The following WDR41 variants were observed in gnomAD, a reference collection of about 807,000 sequenced individuals.
WDR41 encodes the protein WD repeat-containing protein 41.
WDR41 carries 63 observed loss-of-function variants against 69.3 expected under a neutral mutation model. That is an observed-to-expected ratio of 0.91 (90% CI 0.74 to 1.12). The LOEUF is 1.12. WDR41 is among the 50% of genes most tolerant of loss of function. The probability of loss-of-function intolerance (pLI) is 0.00; values close to 1 mark genes in which losing one functional copy is unlikely to be tolerated. For synonymous variants in WDR41, 185 were observed against 192.1 expected (o/e 0.96, Z 0.31); for missense variants, 543 against 534.5 (o/e 1.02, Z -0.16).
chr5:77,459,017 C>T, intron 5 of WDR41, 45 bp downstream of exon 5: 1 of 1,410,752 alleles, frequency 7.1e-7, no homozygotes, highest in Non-Finnish European at 9.8e-7. Flanking sequence ...TCTTCTGAGA[C>T]AAAAATAGAT....
intron 1 of WDR41, among the ~76,000 whole-genome samples, chr5:77,587,071 A>T (rs1017392284): frequency 2.7e-5 from 4 of 150,820 alleles, no homozygotes; most frequent in African/African-American, 7.4e-5. Context: ...CCAGATCAAG[A>T]TATTGAACAT....
chr5:77,572,964 C>T (rs1218809752), intron 1 of WDR41, among the ~76,000 whole-genome samples: 3 of 152,184 alleles, frequency 2.0e-5, no homozygotes, highest in African/African-American at 4.8e-5. Flanking sequence ...ATTTCCTATG[C>T]TTTCTCTTCC....
intron 1 of WDR41, among the ~76,000 whole-genome samples, chr5:77,499,103 A>C (rs887197035): frequency 4.6e-5 from 7 of 152,216 alleles, no homozygotes; most frequent in Non-Finnish European, 7.3e-5. Context: ...TAGGATAAAT[A>C]CACGTCACTC....
chr5:77,449,388 G>T (rs1354638761), intron 8 of WDR41, among the ~76,000 whole-genome samples: 1 of 152,154 alleles, frequency 6.6e-6, no homozygotes, highest in Non-Finnish European at 1.5e-5. Flanking sequence ...GATATTGTAT[G>T]GTGTGGACAG....
At chr5:77,524,004 A>G (rs960944868) in intron 1 of WDR41, among the ~76,000 whole-genome samples, 3 of 152,216 alleles carry the variant, frequency 2.0e-5, no homozygotes, top group African/African-American at 7.2e-5. Flanking sequence ...ACAATCTTAT[A>G]TACGCTGACT....
chr5:77,549,517 CA>C (rs893447895), intron 1 of WDR41, among the ~76,000 whole-genome samples: 10 of 150,856 alleles, frequency 6.6e-5, no homozygotes, highest in African/African-American at 9.8e-5. Context: ...ATAGCCGCTC[CA>C]AAAAAAACAC....
intron 1 of WDR41, among the ~76,000 whole-genome samples, chr5:77,594,736 T>C (rs1744195359): frequency 6.6e-6 from 1 of 152,166 alleles, no homozygotes; most frequent in Admixed American, 6.5e-5. Context: ...CTGTCTGAGC[T>C]ACAGGGGAAA....
intron 1 of WDR41, among the ~76,000 whole-genome samples, chr5:77,571,786 C>T (rs1261267516): frequency 1.3e-5 from 2 of 152,162 alleles, no homozygotes. Flanking sequence ...TTCACTCTCT[C>T]GTCCAGGAGC....
rs753990684 is a variant in WDR41 at position 77,433,091 on chromosome 5, T to C, written c.*44A>G. 6.4e-6 allele frequency: 10 copies of C among 1,553,082 alleles called. No homozygotes were observed. The highest frequency in any genetic ancestry group is 7.8e-6 in the Non-Finnish European group (9 of 1,150,620). On this transcript the variant is annotated 3_prime_UTR_variant, in exon 13 of 13. Transcript: ENST00000296679. ...ATGGTTTTCAGAGTAGTACCCGATA[T>C]TTGATGTTCAAGGTTCATGCATGTG...
intron 10 of WDR41, 73 bp downstream of exon 10, chr5:77,438,167 T>G: frequency 9.2e-4 from 1,447 of 1,575,672 alleles, no homozygotes; most frequent in Non-Finnish European, 1.1e-3. Context: ...CTTGGCCACT[T>G]GAGAAATTAC....
chr5:77,577,580 A>T (rs974051817), intron 1 of WDR41, among the ~76,000 whole-genome samples: 1 of 152,206 alleles, frequency 6.6e-6, no homozygotes. Context: ...AATATTAAAT[A>T]AAAGTGGCCA....
intron 1 of WDR41, among the ~76,000 whole-genome samples, chr5:77,533,847 C>G (rs1742909889): frequency 2.0e-5 from 3 of 152,142 alleles, no homozygotes; most frequent in Admixed American, 2.0e-4. Context: ...GCAGGGGCTA[C>G]TTCTTTATGT....
intron 1 of WDR41, among the ~76,000 whole-genome samples, chr5:77,592,512 G>A (rs976581932): frequency 6.6e-6 from 1 of 152,168 alleles, no homozygotes; most frequent in East Asian, 1.9e-4. Context: ...CAGGTTTGAT[G>A]ATTCCTTAGA....
At chr5:77,465,060 GT>G (rs1800245563) in intron 2 of WDR41, among the ~76,000 whole-genome samples, 1 of 152,082 alleles carries the variant, frequency 6.6e-6, no homozygotes. Context: ...AATCTTTAAA[GT>G]CCTTCTTTGC....
At chr5:77,468,838 A>G (rs560102728) in intron 2 of WDR41, among the ~76,000 whole-genome samples, 20 of 152,118 alleles carry the variant, frequency 1.3e-4, no homozygotes, top group African/African-American at 4.8e-4. Context: ...TCATCTCATC[A>G]TTTTTTTTGT....
chr5:77,620,238 G>A (rs1223217905), intron 1 of WDR41, among the ~76,000 whole-genome samples: 1 of 152,032 alleles, frequency 6.6e-6, no homozygotes, highest in Non-Finnish European at 1.5e-5. Context: ...ACCCTTACTT[G>A]CCTCCTACTG....
In WDR41 at chr5:77,441,017, G is replaced by A. The variant is rs1167531157; in HGVS notation, c.698-20C>T. 2 of 1,609,586 alleles carry A rather than the reference G, an allele frequency of 1.2e-6. No homozygotes were observed. The highest frequency in any genetic ancestry group is 8.5e-7 in the Non-Finnish European group (1 of 1,177,394). On this transcript the variant is annotated intron_variant, in intron 8 of 12. Coordinates refer to ENST00000296679, the MANE Select transcript of WDR41 (RefSeq NM_018268.4). ...TCAAATCTAGGCAAAGTTCACATAT[G>A]CCTCATTATCGATCATTTTATCTAT...
chr5:77,443,474 A>T (rs1799254150), intron 8 of WDR41, among the ~76,000 whole-genome samples: 1 of 152,222 alleles, frequency 6.6e-6, no homozygotes, highest in Non-Finnish European at 1.5e-5. Flanking sequence ...TAGGTAGATT[A>T]TTAATATCTA....
At chr5:77,554,799 G>A (rs1743361646) in intron 1 of WDR41, among the ~76,000 whole-genome samples, 1 of 152,022 alleles carries the variant, frequency 6.6e-6, no homozygotes, top group Non-Finnish European at 1.5e-5. Context: ...CAGTGGTAGT[G>A]GATACAAGAA....
Sources: gnomAD v4.1 joint callset for allele counts (sites outside exome capture counted in the v4.1 genomes callset) on GRCh38, gnomAD v4.1.1 for gene constraint, MANE v1.5 for transcripts, NCBI Gene and HGNC (gene_info 2026-07-23, HGNC 2026-07-21) for gene names.